Variants in CARMIL1 observed in about 807,000 individuals in gnomAD.
The protein encoded by CARMIL1 is capping protein regulator and myosin 1 linker 1, also known as F-actin-uncapping protein LRRC16A.
Under a neutral mutation model 177.1 loss-of-function variants are expected in CARMIL1, and 90 were observed. That is an observed-to-expected ratio of 0.51 (90% confidence interval 0.43 to 0.61). CARMIL1 has a LOEUF of 0.61. Among genes scored for constraint, CARMIL1 ranks in the 20% least tolerant of loss-of-function variants. The pLI is 0.00. For synonymous variants in CARMIL1, 577 were observed against 606.2 expected (o/e 0.95, Z 0.71); for missense variants, 1,380 against 1,667.0 (o/e 0.83, Z 3.00).
intron 5 of CARMIL1, among the ~76,000 whole-genome samples, chr6:25,445,435 A>G (rs766925145): frequency 6.6e-6 from 1 of 152,052 alleles, no homozygotes; most frequent in Non-Finnish European, 1.5e-5. Flanking sequence ...AATGGCATCT[A>G]TGATGGTGAT....
chr6:25,315,179 G>T (rs1784172480), intron 2 of CARMIL1, among the ~76,000 whole-genome samples: 1 of 152,188 alleles, frequency 6.6e-6, no homozygotes, highest in African/African-American at 2.4e-5. Flanking sequence ...GTGTGGATGA[G>T]GCTCTATGTC....
At chr6:25,555,381 GTATTCATTCATT>G (rs1306124085) in intron 28 of CARMIL1, among the ~76,000 whole-genome samples, 11 of 106,222 alleles carry the variant, frequency 1.0e-4, no homozygotes, top group Non-Finnish European at 2.1e-4. Context: ...AAGCAATAGA[GTATTCATTCATT>G]CATTCATTCA....
chr6:25,609,612 A>G (rs1247658458), intron 35 of CARMIL1, among the ~76,000 whole-genome samples: 1 of 152,114 alleles, frequency 6.6e-6, no homozygotes, highest in African/African-American at 2.4e-5. Flanking sequence ...ACCTACATAT[A>G]TGCATGCATG....
At chr6:25,382,070 ACT>A (rs1167383372) in intron 2 of CARMIL1, among the ~76,000 whole-genome samples, 1 of 151,732 alleles carries the variant, frequency 6.6e-6, no homozygotes, top group Admixed American at 6.6e-5. Flanking sequence ...GGTTTTAGAA[ACT>A]CTGTGCTAGG....
chr6:25,340,270 C>T (rs1786763521), intron 2 of CARMIL1, among the ~76,000 whole-genome samples: 1 of 152,154 alleles, frequency 6.6e-6, no homozygotes, highest in Non-Finnish European at 1.5e-5. Flanking sequence ...AGAGGGTTCT[C>T]CTTACTTCTA....
intron 16 of CARMIL1, among the ~76,000 whole-genome samples, chr6:25,499,018 G>T (rs1016877110): frequency 1.7e-4 from 26 of 152,160 alleles, no homozygotes; most frequent in African/African-American, 6.3e-4. Context: ...TGGGAGGAGG[G>T]GGGTTTTCAT....
chr6:25,321,990 C>T (rs969448227), intron 2 of CARMIL1, among the ~76,000 whole-genome samples: 12 of 151,944 alleles, frequency 7.9e-5, no homozygotes, highest in South Asian at 6.2e-4. Flanking sequence ...GACCAGGTCA[C>T]GCTGTGTTGC....
rs1190891489 is a variant in CARMIL1 at position 25,577,905 on chromosome 6, C to T, written c.2743-3019C>T. ...TTATTGATGATTTGTGATGTTAGGA[C>T]AAGAAAGAAGTCTGTGTTTAAGATT... On this transcript the variant is annotated intron_variant, in intron 29 of 36. Coordinates refer to ENST00000329474, the MANE Select transcript of CARMIL1 (RefSeq NM_017640.6). The surrounding 1 kb of genome is among the most constrained non-coding windows in gnomAD (Gnocchi z 4.5). Among the ~76,000 whole-genome samples, 1 of 152,048 alleles carries T rather than the reference C, an allele frequency of 6.6e-6. No homozygotes were observed. The highest frequency in any genetic ancestry group is 1.5e-5 in the Non-Finnish European group (1 of 67,996).
intron 31 of CARMIL1, among the ~76,000 whole-genome samples, chr6:25,582,417 G>A (rs1813211386): frequency 1.3e-5 from 2 of 152,122 alleles, no homozygotes; most frequent in Admixed American, 1.3e-4. Context: ...CATGGTTTTA[G>A]TCTCTGTTGT....
In CARMIL1 at chr6:25,517,368, C is replaced by T; in HGVS notation, c.1827C>T (p.Asn609=). The T allele has an allele frequency of 6.2e-7, 1 of 1,613,246 alleles. No homozygotes were observed. The highest frequency in any genetic ancestry group is 8.5e-7 in the Non-Finnish European group (1 of 1,179,516). Residue 609 remains asparagine, a synonymous_variant, in exon 22 of 37, where the codon AAC becomes AAT. Coordinates refer to ENST00000329474, the MANE Select transcript of CARMIL1 (RefSeq NM_017640.6). The part of the protein sequence containing the change: ...TKLRTVIWDK[N]NITAQGFQDI... ...ACAGGACTGTAATATGGGACAAGAA[C>T]AACATCACTGCACAAGGCTTTCAGG... is the stretch of plus-strand genomic sequence containing the variant.
intron 2 of CARMIL1, among the ~76,000 whole-genome samples, chr6:25,330,350 A>G (rs1357760478): frequency 2.0e-5 from 3 of 152,180 alleles, no homozygotes; most frequent in African/African-American, 7.2e-5. Context: ...AGTTCAATTT[A>G]AGGAACAGAG....
Position 25,604,862 on chromosome 6 carries a change from C to A in CARMIL1, c.3603C>A (p.Ser1201Arg), listed in dbSNP as rs765334774. ...VSQDSSSPAL[S>R]GVERSDGGGA... Reference sequence around the variant, plus strand: ...AGGATTCTTCCAGCCCAGCTTTGAGCGGCGTAGAACGGTCGGATGGAGGTG... The same window carrying A: ...AGGATTCTTCCAGCCCAGCTTTGAGAGGCGTAGAACGGTCGGATGGAGGTG... Residue 1201 changes from serine (S) to arginine (R), a missense_variant, in exon 34 of 37, where the codon AGC (serine) becomes AGA (arginine). Transcript: ENST00000329474. The A allele has an allele frequency of 6.3e-7, 1 of 1,598,664 alleles. No individual in the cohort carries two copies. The highest frequency in any genetic ancestry group is 1.3e-5 in the African/African-American group (1 of 74,796).
At chr6:25,444,547 C>T (rs935069365) in intron 5 of CARMIL1, among the ~76,000 whole-genome samples, 6 of 152,100 alleles carry the variant, frequency 3.9e-5, no homozygotes, top group African/African-American at 7.2e-5. Flanking sequence ...CGACAGGCCC[C>T]GGTTTGTGAT....
chr6:25,421,584 T>C (rs1486013906), intron 3 of CARMIL1, among the ~76,000 whole-genome samples: 1 of 151,946 alleles, frequency 6.6e-6, no homozygotes, highest in Non-Finnish European at 1.5e-5. Flanking sequence ...CGTATGTTTA[T>C]TGCGGCACTA....
chr6:25,327,305 T>G (rs1785215469), intron 2 of CARMIL1, among the ~76,000 whole-genome samples: 1 of 152,112 alleles, frequency 6.6e-6, no homozygotes, highest in Non-Finnish European at 1.5e-5. Context: ...ACCAGGAAAC[T>G]GGTTTCATGG....
intron 36 of CARMIL1, among the ~76,000 whole-genome samples, chr6:25,614,612 G>C (rs943542143): frequency 6.6e-6 from 1 of 152,114 alleles, no homozygotes; most frequent in South Asian, 2.1e-4. Context: ...TTGCATAGAC[G>C]TTTCTGGTTT....
chr6:25,580,679 G>A (rs1813041456), intron 29 of CARMIL1, among the ~76,000 whole-genome samples: 2 of 152,086 alleles, frequency 1.3e-5, no homozygotes, highest in African/African-American at 4.8e-5. Context: ...TTCATTCATT[G>A]CTCTTTTCAG....
intron 2 of CARMIL1, among the ~76,000 whole-genome samples, chr6:25,390,314 ATATATATTTTTT>A (rs1407474080): frequency 3.0e-4 from 12 of 39,510 alleles, no homozygotes; most frequent in African/African-American, 9.4e-4. Flanking sequence ...ATATATATAT[ATATATATTTTTT>A]TTTTTTTTTT....
At chr6:25,555,475 A>G (rs975551654) in intron 28 of CARMIL1, among the ~76,000 whole-genome samples, 1 of 152,110 alleles carries the variant, frequency 6.6e-6, no homozygotes, top group African/African-American at 2.4e-5. Context: ...ATCTTGGCTC[A>G]CTGCAACCTC....
Sources: gnomAD v4.1 joint callset for allele counts (sites outside exome capture counted in the v4.1 genomes callset) on GRCh38, gnomAD v4.1.1 for gene constraint, Gnocchi (gnomAD v3.1) non-coding constraint, MANE v1.5 for transcripts, NCBI Gene and HGNC (gene_info 2026-07-23, HGNC 2026-07-21) for gene names.